The following GDA variants were observed in gnomAD, a reference collection of about 807,000 sequenced individuals.
GDA encodes the protein guanine deaminase, also known as cytoplasmic PSD-95 interactor.
GDA carries 18 observed loss-of-function variants against 59.6 expected under a neutral mutation model. The observed-to-expected ratio is 0.30, with a 90% CI of 0.21 to 0.45. The LOEUF (loss-of-function observed/expected upper bound fraction) is 0.45. Among genes scored for constraint, GDA ranks in the 20% least tolerant of loss-of-function variants. The pLI is 1.00. For synonymous variants in GDA, 201 were observed against 201.1 expected, an observed-to-expected ratio of 1.00 and a Z score of 0.00; for missense variants, 427 against 552.3, an observed-to-expected ratio of 0.77 and a Z score of 2.27.
In GDA at chr9:72,248,795, C is replaced by A; in HGVS notation, c.*453C>A. ...GAGCAAAAGTTAGACTGAGAACAAACGTTAGAAAATCACTTCAGATTGTGT... is the reference window on the plus strand; with the variant it reads ...GAGCAAAAGTTAGACTGAGAACAAAAGTTAGAAAATCACTTCAGATTGTGT... On this transcript the variant is annotated 3_prime_UTR_variant, in exon 14 of 14. Transcript: ENST00000358399. 1 of 989,762 alleles carries A rather than the reference C, an allele frequency of 1.0e-6. No individual in the cohort carries two copies. Among genetic ancestry groups the A allele is most frequent in the Non-Finnish European group, 1.2e-6 (1 of 831,824 alleles). The allele number at this position is 989,762 out of a possible 1,614,324, so 61.3% of individuals were successfully genotyped here.
rs1304444808 is a variant in GDA at position 72,133,126 on chromosome 9, T to A, written c.-100+18293T>A. Among the ~76,000 whole-genome samples the A allele has an allele frequency of 6.6e-5, 10 of 151,498 alleles. No homozygotes were observed. The East Asian group carries it at 1.6e-3, about 24-fold the overall frequency. ...CAACATCGTGAAACTCTGTCTCTAC[T>A]AAAATACAAAAAAATTAGCCAGCCA... On this transcript the variant is annotated intron_variant, in intron 1 of 13. Coordinates refer to the GDA transcript ENST00000545168.
intron 11 of GDA, among the ~76,000 whole-genome samples, chr9:72,242,709 TATTATGGTTC>T (rs1839759104): frequency 6.6e-6 from 1 of 152,200 alleles, no homozygotes; most frequent in African/African-American, 2.4e-5. Flanking sequence ...TTTCCCAAAG[TATTATGGTTC>T]ATTTTCCAAA....
chr9:72,125,565 C>A (rs1825816834), intron 1 of GDA, among the ~76,000 whole-genome samples: 5 of 152,020 alleles, frequency 3.3e-5, no homozygotes, highest in Admixed American at 3.3e-4. Context: ...AAAATAAAAT[C>A]ATGTACTTAG....
chr9:72,163,595 C>A (rs1478305850), intron 1 of GDA, among the ~76,000 whole-genome samples: 1 of 151,976 alleles, frequency 6.6e-6, no homozygotes, highest in Non-Finnish European at 1.5e-5. Flanking sequence ...CGGGTTCACG[C>A]CATTCTCCTG....
At chr9:72,131,038 G>C (rs1471053671) in intron 1 of GDA, among the ~76,000 whole-genome samples, 1 of 152,216 alleles carries the variant, frequency 6.6e-6, no homozygotes, top group Non-Finnish European at 1.5e-5. Flanking sequence ...TCATCACAAG[G>C]ACAGTGCAAT....
At chr9:72,202,359 A>T (rs1834101858) in intron 2 of GDA, among the ~76,000 whole-genome samples, 1 of 152,128 alleles carries the variant, frequency 6.6e-6, no homozygotes, top group Non-Finnish European at 1.5e-5. Context: ...CCGACCAGCC[A>T]TTCCAACCTA....
At chr9:72,198,438 C>T (rs542300756) in intron 2 of GDA, among the ~76,000 whole-genome samples, 1 of 151,212 alleles carries the variant, frequency 6.6e-6, no homozygotes, top group East Asian at 2.0e-4. Flanking sequence ...ACTCGGGAGG[C>T]TGATGCAGGA....
intron 1 of GDA, among the ~76,000 whole-genome samples, chr9:72,153,974 T>C (rs1480997074): frequency 7.9e-5 from 12 of 151,658 alleles, no homozygotes; most frequent in Admixed American, 7.2e-4. Flanking sequence ...AAAAAAAAAA[T>C]ATAGACTCTA....
In GDA at chr9:72,249,578, C is replaced by A; in HGVS notation, c.*1236C>A. 1 of 631,440 alleles carries A rather than the reference C, an allele frequency of 1.6e-6. No individual in the cohort carries two copies. The highest frequency in any genetic ancestry group is 2.0e-6 in the Non-Finnish European group (1 of 507,204). The allele number at this position is 631,440 out of a possible 1,614,324, so 39.1% of individuals were successfully genotyped here. A position where few individuals can be genotyped will look rare whatever the true frequency, so the allele number is the denominator to read the frequency against. Reference sequence around the variant, plus strand: ...CTAGACATCTAGGAACATTACAAAGCAAAGACTATTTTTATGCTTCCATAA... The same window carrying A: ...CTAGACATCTAGGAACATTACAAAGAAAAGACTATTTTTATGCTTCCATAA... On this transcript the variant is annotated 3_prime_UTR_variant, in exon 14 of 14. Transcript: ENST00000358399.
At chr9:72,166,684 T>C (rs1226563214) in intron 1 of GDA, among the ~76,000 whole-genome samples, 1 of 152,240 alleles carries the variant, frequency 6.6e-6, no homozygotes, top group African/African-American at 2.4e-5. Flanking sequence ...AAAAATGTAA[T>C]TGTGCCAATA....
intron 1 of GDA, among the ~76,000 whole-genome samples, chr9:72,184,304 C>A (rs1208643082): frequency 1.3e-5 from 2 of 152,170 alleles, no homozygotes; most frequent in Non-Finnish European, 2.9e-5. Context: ...ATGTATTGAC[C>A]ATTATAGTAT....
chr9:72,220,610 C>A (rs144803536), intron 6 of GDA, among the ~76,000 whole-genome samples: 2 of 152,042 alleles, frequency 1.3e-5, no homozygotes, highest in African/African-American at 4.8e-5. Flanking sequence ...TTCCTTACCC[C>A]CCTCTGGGAT....
At chr9:72,164,713 G>A (rs758609890) in intron 1 of GDA, among the ~76,000 whole-genome samples, 26 of 150,996 alleles carry the variant, frequency 1.7e-4, no homozygotes, top group Non-Finnish European at 3.7e-4. Flanking sequence ...GCCGGGCACA[G>A]TGGCTCACGC....
At chr9:72,237,853 C>G (rs1047372998) in intron 10 of GDA, among the ~76,000 whole-genome samples, 6 of 152,104 alleles carry the variant, frequency 3.9e-5, no homozygotes, top group Non-Finnish European at 7.3e-5. Context: ...TCCTTAGTAT[C>G]TCCTTGAACC....
intron 2 of GDA, among the ~76,000 whole-genome samples, chr9:72,196,451 C>T (rs1053501244): frequency 2.7e-5 from 4 of 149,182 alleles, no homozygotes; most frequent in Non-Finnish European, 4.4e-5. Flanking sequence ...CATGCCACTT[C>T]ACTCTAGCCT....
chr9:72,179,350 T>A (rs1031549322), intron 1 of GDA, among the ~76,000 whole-genome samples: 1 of 152,232 alleles, frequency 6.6e-6, no homozygotes, highest in African/African-American at 2.4e-5. Context: ...GTTTGGCATA[T>A]CTCTATTTTA....
chr9:72,128,411 C>G (rs1049374937), intron 1 of GDA, among the ~76,000 whole-genome samples: 1 of 152,016 alleles, frequency 6.6e-6, no homozygotes, highest in Non-Finnish European at 1.5e-5. Context: ...TTGGCAATAT[C>G]TTTGCTAGTT....
At chr9:72,231,966 G>T (rs1192669136) in intron 10 of GDA, among the ~76,000 whole-genome samples, 1 of 152,214 alleles carries the variant, frequency 6.6e-6, no homozygotes, top group Non-Finnish European at 1.5e-5. Context: ...TGTCTACTAG[G>T]CTGAGGGATG....
In GDA at chr9:72,249,711, G is replaced by A; in HGVS notation, c.*1369G>A. ...ATTTAATTACAAATACTATAAATGAGCAAGGAAAAGGAATAGACTTTCTTA... is the reference window on the plus strand; with the variant it reads ...ATTTAATTACAAATACTATAAATGAACAAGGAAAAGGAATAGACTTTCTTA... On this transcript the variant is annotated 3_prime_UTR_variant, in exon 14 of 14. Transcript: ENST00000358399. 1 of 758,174 alleles carries A rather than the reference G, an allele frequency of 1.3e-6. No individual in the cohort carries two copies. The highest frequency in any genetic ancestry group is 1.6e-6 in the Non-Finnish European group (1 of 622,898). 47.0% of individuals were successfully genotyped at this position (758,174 alleles called of 1,614,324 possible). A position where few individuals can be genotyped will look rare whatever the true frequency, so the allele number is the denominator to read the frequency against.
Sources: gnomAD v4.1 joint callset for allele counts (sites outside exome capture counted in the v4.1 genomes callset) on GRCh38, gnomAD v4.1.1 for gene constraint, MANE v1.5 for transcripts, NCBI Gene and HGNC (gene_info 2026-07-23, HGNC 2026-07-21) for gene names.